The following MYO1E variants were observed in gnomAD, a reference collection of about 807,000 sequenced individuals.
MYO1E encodes myosin IE.
Under a neutral mutation model 151.1 loss-of-function variants are expected in MYO1E, and 68 were observed. The observed-to-expected ratio is 0.45, with a 90% CI of 0.37 to 0.55. The LOEUF is 0.55. Ranked by LOEUF, MYO1E falls within the 20% of genes least tolerant of loss-of-function variation. The pLI, the probability that MYO1E is intolerant of heterozygous loss-of-function variation, is 0.00. For missense variants in MYO1E, 1,363 were observed against 1,389.3 expected (o/e 0.98, Z 0.30); for synonymous variants, 601 against 501.7 (o/e 1.20, Z -2.64).
rs142716052 is a variant in MYO1E, at chr15:59,179,547, A to G, written c.1905-1010T>C. On this transcript the variant is annotated intron_variant, in intron 18 of 27. Coordinates refer to ENST00000288235, the MANE Select transcript of MYO1E (RefSeq NM_004998.4). ...GTGCTGTGATTGAAGCTTTTGATGTACGATCTCCTCTTACTCCTACAGCAA... is the reference window on the plus strand; with the variant it reads ...GTGCTGTGATTGAAGCTTTTGATGTGCGATCTCCTCTTACTCCTACAGCAA... Among the ~76,000 whole-genome samples, 329 of 152,238 alleles carry G rather than the reference A, an allele frequency of 2.2e-3. 4 individuals are homozygous for G. Among genetic ancestry groups the G allele is most frequent in the African/African-American group, 7.5e-3 (310 of 41,542 alleles).
chr15:59,227,663 A>C, intron 6 of MYO1E, 73 bp from the exon 7 acceptor site: 2 of 1,555,078 alleles, frequency 1.3e-6, no homozygotes, highest in Non-Finnish European at 1.8e-6. Flanking sequence ...CTTTGAATAC[A>C]GTATATAATT....
At position 59,214,237 on chromosome 15, in the gene MYO1E, C is replaced by A; in HGVS notation, c.1266G>T (p.Lys422Asn). 3 of 1,611,834 alleles carry A rather than the reference C, an allele frequency of 1.9e-6. No homozygotes were observed. Among genetic ancestry groups the A allele is most frequent in the Non-Finnish European group, 2.5e-6 (3 of 1,178,380 alleles). ...AAGAGGGACTGCTTACCTGTTCTGC[C>A]TTTAATGTCAGTTCAATAAAAATCT... ...LQQIFIELTL[K>N]AEQEEYVQEG... Residue 422 changes from lysine to asparagine, a missense_variant, in exon 12 of 28, where the codon AAG becomes AAT. Physicochemically the swap from Lys to Asn is moderately conservative, Grantham distance 94. Transcript: ENST00000288235.
At position 59,188,138 on chromosome 15, in the gene MYO1E, G is replaced by A; in HGVS notation, c.1884C>T (p.Ile628=). ...VRRAGYAYRR[I]FQKFLQRYAI... ...ATTACCTCTGTAGGAATTTTTGGAAGATGCGCCGATAGGCATAGCCAGCTC... is the reference window on the plus strand; with the variant it reads ...ATTACCTCTGTAGGAATTTTTGGAAAATGCGCCGATAGGCATAGCCAGCTC... The change falls in exon 18 of 28, where the codon ATC becomes ATT. Residue 628 remains isoleucine (I), a synonymous_variant. Transcript: ENST00000288235. The A allele has an allele frequency of 6.2e-7, 1 of 1,613,936 alleles. No homozygotes were observed. The highest frequency in any genetic ancestry group is 1.1e-5 in the South Asian group (1 of 91,080).
chr15:59,154,724 T>G (rs1756794920), intron 25 of MYO1E, among the ~76,000 whole-genome samples: 1 of 152,202 alleles, frequency 6.6e-6, no homozygotes, highest in South Asian at 2.1e-4. Flanking sequence ...GAGTTGATCT[T>G]TCATAGTCTC....
intron 26 of MYO1E, among the ~76,000 whole-genome samples, chr15:59,151,031 ACACACACACACACACACACG>A (rs1261513099): frequency 7.5e-6 from 1 of 133,294 alleles, no homozygotes; most frequent in African/African-American, 3.3e-5. Flanking sequence ...ACACACACAC[ACACACACACACACACACACG>A]CGCGCGCGCG....
rs541130889 is a variant in MYO1E at position 59,145,988 on chromosome 15, A to T, written c.3080+7602T>A. Among the ~76,000 whole-genome samples, 36 of 152,242 alleles carry T rather than the reference A, an allele frequency of 2.4e-4. No individual in the cohort carries two copies. In the South Asian group the frequency reaches 5.0e-3, roughly 21 times the overall value. On this transcript the variant is annotated intron_variant, in intron 26 of 27. Transcript: ENST00000288235. The stretch of plus-strand genomic sequence containing the variant: ...CAGCACAGGCTCACTCATGTCTAAA[A>T]ATGCCTTGCCAACTTTTGTTTCATT...
chr15:59,232,513 T>C (rs1176823169), intron 5 of MYO1E, among the ~76,000 whole-genome samples: 3 of 152,236 alleles, frequency 2.0e-5, no homozygotes, highest in African/African-American at 4.8e-5. Flanking sequence ...CCCAGTTCTA[T>C]GCAGAAGTGT....
intron 1 of MYO1E, 46 bp from the exon 2 acceptor site, chr15:59,272,495 T>C (rs527920396): frequency 1.3e-6 from 2 of 1,598,786 alleles, no homozygotes; most frequent in South Asian, 2.2e-5. Flanking sequence ...TGTTTTCCCC[T>C]GTAGTAACAA....
chr15:59,206,543 T>C (rs2079835254), intron 14 of MYO1E, among the ~76,000 whole-genome samples: 1 of 152,220 alleles, frequency 6.6e-6, no homozygotes. Context: ...CTATCCTTCC[T>C]GGCAGGGTCA....
chr15:59,222,782 A>C (rs1365734202), intron 9 of MYO1E, among the ~76,000 whole-genome samples: 2 of 152,216 alleles, frequency 1.3e-5, no homozygotes, highest in Non-Finnish European at 2.9e-5. Flanking sequence ...CCAAGGTGTG[A>C]AATCCTCCCA....
intron 4 of MYO1E, among the ~76,000 whole-genome samples, chr15:59,252,170 A>C (rs1175869176): frequency 6.6e-6 from 1 of 152,184 alleles, no homozygotes; most frequent in Non-Finnish European, 1.5e-5. Flanking sequence ...TTTTTCTCTT[A>C]AAAAGCTCAT....
chr15:59,193,550 T>C (rs1488691537), intron 17 of MYO1E, among the ~76,000 whole-genome samples: 1 of 152,208 alleles, frequency 6.6e-6, no homozygotes. Flanking sequence ...TTATATTTCA[T>C]GTCCTAGAGA....
chr15:59,277,564 A>AAACAAAAAAAAAAC lies in MYO1E; in HGVS notation c.4-5116_4-5115insGTTTTTTTTTTGTT, dbSNP rs2080328117. On this transcript the variant is annotated intron_variant, in intron 1 of 27. Coordinates refer to ENST00000288235, the MANE Select transcript of MYO1E (RefSeq NM_004998.4). ...ATCCCCCCACAAAAAAAAAAAAAAA[A>AAACAAAAAAAAAAC]AAAAAAAAACATCAAAGCCTCATCC... Among the ~76,000 whole-genome samples, 324 of 139,800 alleles carry AAACAAAAAAAAAAC rather than the reference A, an allele frequency of 2.3e-3. 3 individuals are homozygous for AAACAAAAAAAAAAC. The highest frequency in any genetic ancestry group is 8.4e-3 in the African/African-American group (302 of 36,058). 91.7% of individuals were successfully genotyped at this position (139,800 alleles called of 152,430 possible).
At chr15:59,362,976 C>CTTTTTTTTTT (rs34810328) in intron 1 of MYO1E, among the ~76,000 whole-genome samples, 2 of 127,584 alleles carry the variant, frequency 1.6e-5, no homozygotes, top group East Asian at 2.3e-4. Context: ...GTATGACTTT[C>CTTTTTTTTTT]TTTTTTTTTT....
At chr15:59,228,908 TCTAA>T (rs2080008057) in intron 6 of MYO1E, among the ~76,000 whole-genome samples, 2 of 152,314 alleles carry the variant, frequency 1.3e-5, no homozygotes, top group South Asian at 2.1e-4. Context: ...GCGGCCAGCC[TCTAA>T]CTGTCTATGT....
At chr15:59,248,606 T>A (rs746590960) in intron 4 of MYO1E, among the ~76,000 whole-genome samples, 1 of 152,042 alleles carries the variant, frequency 6.6e-6, no homozygotes, top group Non-Finnish European at 1.5e-5. Context: ...AGGTGTTTAT[T>A]CCTTACTAGA....
chr15:59,252,808 C>T (rs1453487101), intron 4 of MYO1E, among the ~76,000 whole-genome samples: 2 of 151,962 alleles, frequency 1.3e-5, no homozygotes, highest in Non-Finnish European at 2.9e-5. Flanking sequence ...ATCGCTTGAA[C>T]CCAGGAGGCG....
At chr15:59,263,102 T>C (rs1266284082) in intron 2 of MYO1E, among the ~76,000 whole-genome samples, 20 of 152,230 alleles carry the variant, frequency 1.3e-4, no homozygotes, top group Admixed American at 1.3e-3. Context: ...TTAGAAATTT[T>C]ACAAATAAAT....
intron 10 of MYO1E, among the ~76,000 whole-genome samples, chr15:59,215,582 G>A (rs1050921162): frequency 4.6e-5 from 7 of 152,220 alleles, no homozygotes; most frequent in African/African-American, 1.2e-4. Context: ...GAATGTAAGC[G>A]AACAATTCTT....
Sources: gnomAD v4.1 joint callset for allele counts (sites outside exome capture counted in the v4.1 genomes callset) on GRCh38, gnomAD v4.1.1 for gene constraint, MANE v1.5 for transcripts, NCBI Gene and HGNC (gene_info 2026-07-23, HGNC 2026-07-21) for gene names.